Variants in OSBP observed in about 807,000 individuals in gnomAD.
OSBP encodes the protein oxysterol binding protein, also known as oxysterol-binding protein 1.
A neutral mutation model predicts 96.6 loss-of-function variants in OSBP; 32 were observed. The ratio of observed to expected loss-of-function variants is 0.33; its 90% confidence interval spans 0.25 to 0.45. The LOEUF (loss-of-function observed/expected upper bound fraction) is 0.45. Among genes scored for constraint, OSBP ranks in the 20% least tolerant of loss-of-function variants. OSBP has a pLI of 1.00. For synonymous variants in OSBP, 369 were observed against 389.6 expected (o/e 0.95, Z 0.62); for missense variants, 653 against 1,029.7 (o/e 0.63, Z 5.01).
intron 9 of OSBP, among the ~76,000 whole-genome samples, chr11:59,586,700 C>T (rs1397857756): frequency 6.6e-6 from 1 of 152,080 alleles, no homozygotes; most frequent in Non-Finnish European, 1.5e-5. Flanking sequence ...GACATATAGG[C>T]CAGTGGAATA....
chr11:59,608,745 G>A lies in OSBP; in HGVS notation c.572-11C>T, dbSNP rs755906411. On this transcript the variant is annotated splice_polypyrimidine_tract_variant and intron_variant, in intron 2 of 13. Transcript: ENST00000263847. Reference sequence around the variant, plus strand: ...CATCTCCTGATTCATCTGTAGGAATGAAAAGAAAGGTTATATGATTCCAGA... The same window carrying A: ...CATCTCCTGATTCATCTGTAGGAATAAAAAGAAAGGTTATATGATTCCAGA... 28 of 1,613,648 alleles carry A rather than the reference G, an allele frequency of 1.7e-5. No individual in the cohort carries two copies. Among genetic ancestry groups the A allele is most frequent in the African/African-American group, 4.0e-5 (3 of 74,932 alleles).
chr11:59,580,307 T>G (rs778213986), intron 10 of OSBP, 38 bp from the exon 11 acceptor site: 1 of 1,249,406 alleles, frequency 8.0e-7, no homozygotes, highest in Non-Finnish European at 1.2e-6. Flanking sequence ...TAAGACTGGA[T>G]AAATTCAATG....
chr11:59,590,049 A>G (rs1346983414), intron 9 of OSBP, among the ~76,000 whole-genome samples: 3 of 152,030 alleles, frequency 2.0e-5, no homozygotes, highest in Non-Finnish European at 1.5e-5. Context: ...CTTCAGTTAT[A>G]TTTTCTAGAA....
chr11:59,603,934 C>T (rs901829671), intron 3 of OSBP, among the ~76,000 whole-genome samples: 2 of 152,138 alleles, frequency 1.3e-5, no homozygotes, highest in African/African-American at 4.8e-5. Flanking sequence ...CTTACTTTTG[C>T]TTCCTTCCTC....
intron 7 of OSBP, among the ~76,000 whole-genome samples, chr11:59,595,501 G>A (rs956094828): frequency 5.3e-5 from 8 of 151,940 alleles, no homozygotes; most frequent in East Asian, 1.9e-4. Context: ...TCCCCCCACC[G>A]CCCGCTCAAT....
chr11:59,601,159 T>G, intron 5 of OSBP, 124 bp downstream of exon 5: 3 of 589,840 alleles, frequency 5.1e-6, no homozygotes, highest in Non-Finnish European at 8.7e-6. Flanking sequence ...GATTCAATAT[T>G]GACAATTATA....
intron 2 of OSBP, among the ~76,000 whole-genome samples, chr11:59,609,298 A>G (rs1048550909): frequency 3.9e-5 from 6 of 152,198 alleles, no homozygotes; most frequent in African/African-American, 1.4e-4. Flanking sequence ...TCTGAAAGAG[A>G]GCTCAGAAAC....
At chr11:59,601,567 G>A in intron 4 of OSBP, 73 bp downstream of exon 4, 3 of 1,375,140 alleles carry the variant, frequency 2.2e-6, no homozygotes, top group Non-Finnish European at 3.1e-6. Context: ...GAAGAGTTTG[G>A]AGTTCTCCTA....
Position 59,583,659 on chromosome 11 carries a change from T to TTTTC in OSBP, c.1679-2106_1679-2105insGAAA, listed in dbSNP as rs1554979383. On this transcript the variant is annotated intron_variant, in intron 9 of 13. Coordinates refer to ENST00000263847, the MANE Select transcript of OSBP (RefSeq NM_002556.3). ...GTTTTTTTTTTTTTTTTTTTTTTTT[T>TTTTC]TCGAGATGGAGTCTTGCTCTGTCAC... Among the ~76,000 whole-genome samples the TTTTC allele has an allele frequency of 8.7e-5, 12 of 137,698 alleles. 1 individual carries two copies. Among genetic ancestry groups the TTTTC allele is most frequent in the African/African-American group, 3.6e-4 (12 of 33,256 alleles). The allele number at this position is 137,698 out of a possible 152,430, so 90.3% of individuals were successfully genotyped here. A position where few individuals can be genotyped will look rare whatever the true frequency, so the allele number is the denominator to read the frequency against.
intron 1 of OSBP, among the ~76,000 whole-genome samples, chr11:59,611,861 A>G (rs567445596): frequency 6.6e-6 from 1 of 152,356 alleles, no homozygotes; most frequent in East Asian, 1.9e-4. Context: ...TTCACATAGA[A>G]TACCAAGCTT....
intron 7 of OSBP, among the ~76,000 whole-genome samples, chr11:59,597,342 G>A (rs1359814679): frequency 1.3e-5 from 2 of 152,042 alleles, no homozygotes; most frequent in Non-Finnish European, 2.9e-5. Context: ...GGGCCACCGC[G>A]CATGGCACCA....
intron 2 of OSBP, among the ~76,000 whole-genome samples, chr11:59,609,568 A>G (rs1860820294): frequency 6.6e-6 from 1 of 152,138 alleles, no homozygotes; most frequent in South Asian, 2.1e-4. Flanking sequence ...CTTACTACCA[A>G]ACAATTTACA....
chr11:59,611,062 G>A (rs902881572), intron 1 of OSBP, among the ~76,000 whole-genome samples: 5 of 149,528 alleles, frequency 3.3e-5, no homozygotes, highest in Middle Eastern at 6.9e-3. Context: ...TTGAACTTGA[G>A]AGGCGGAGTT....
chr11:59,593,466 T>G, intron 9 of OSBP, 138 bp downstream of exon 9: 1 of 896,708 alleles, frequency 1.1e-6, no homozygotes, highest in Non-Finnish European at 1.7e-6. Flanking sequence ...GTTAAATACC[T>G]GCCCAAAGCC....
intron 3 of OSBP, among the ~76,000 whole-genome samples, chr11:59,607,632 G>T (rs1282787069): frequency 6.6e-6 from 1 of 152,048 alleles, no homozygotes; most frequent in South Asian, 2.1e-4. Flanking sequence ...CTTATGAAAT[G>T]CCTTTGAATG....
At chr11:59,593,540 C>G (rs1336915595) in intron 9 of OSBP, 64 bp downstream of exon 9, 1 of 1,587,092 alleles carries the variant, frequency 6.3e-7, no homozygotes, top group East Asian at 2.2e-5. Flanking sequence ...CAGTGACCTC[C>G]TCCATCGTGC....
intron 7 of OSBP, among the ~76,000 whole-genome samples, chr11:59,597,702 C>T (rs909748781): frequency 6.6e-6 from 1 of 151,996 alleles, no homozygotes; most frequent in East Asian, 1.9e-4. Flanking sequence ...ACCATGCTGG[C>T]TAACTTATTA....
At chr11:59,581,666 A>C (rs1860422896) in intron 9 of OSBP, 112 bp from the exon 10 acceptor site, 1 of 543,286 alleles carries the variant, frequency 1.8e-6, no homozygotes, top group South Asian at 2.5e-5. Flanking sequence ...TTACTTTTAG[A>C]AATAAAACAA....
At position 59,615,378 on chromosome 11, in the gene OSBP, A is replaced by C. The variant is rs1860910355; in HGVS notation, c.287T>G (p.Phe96Cys). 6.3e-7 allele frequency: 1 copy of C among 1,596,454 alleles called. No individual in the cohort carries two copies. Among genetic ancestry groups the C allele is most frequent in the Non-Finnish European group, 8.5e-7 (1 of 1,170,624 alleles). The change falls in exon 1 of 14, where the codon TTC becomes TGC. Residue 96 changes from phenylalanine to cysteine, a missense_variant. Phe to Cys is a radical substitution (Grantham distance 205). Around this residue, in one of 6 missense-constraint regions of OSBP, gnomAD observed 308 missense variants for 573.1 expected, o/e 0.54. Transcript: ENST00000263847. Reference protein sequence around the residue: ...GSGSAREGWLFKWTNYIKGYQ... With the variant: ...GSGSAREGWLCKWTNYIKGYQ... ...GCCTTTGATATAATTGGTCCATTTG[A>C]AGAGCCAGCCCTCTCGAGCCGAGCC... is the stretch of plus-strand genomic sequence containing the variant.
Sources: allele counts gnomAD v4.1 joint callset (sites outside exome capture counted in the v4.1 genomes callset), GRCh38; gene constraint gnomAD v4.1.1; regional missense constraint gnomAD v4.1.1; transcripts MANE v1.5; gene names NCBI Gene and HGNC (gene_info 2026-07-23, HGNC 2026-07-21).